The following REC8 variants were observed in gnomAD, a reference collection of about 807,000 sequenced individuals.
The protein encoded by REC8 is meiotic recombination protein REC8 homolog.
A neutral mutation model predicts 78.3 loss-of-function variants in REC8; 42 were observed. That is an observed-to-expected ratio of 0.54 (90% CI 0.42 to 0.69). REC8 has a LOEUF of 0.69. Among genes scored for constraint, REC8 ranks in the 30% least tolerant of loss-of-function variants. The pLI, the probability that REC8 is intolerant of heterozygous loss-of-function variation, is 0.00. For synonymous variants in REC8, 268 were observed against 274.1 expected (o/e 0.98, Z 0.22); for missense variants, 581 against 715.8 (o/e 0.81, Z 2.15).
rs747615352 is a variant in REC8 at position 24,178,831 on chromosome 14, C to T, written c.1118C>T (p.Pro373Leu). The T allele has an allele frequency of 2.5e-5, 41 of 1,613,740 alleles. No individual in the cohort carries two copies. The highest frequency in any genetic ancestry group is 8.8e-5 in the South Asian group (8 of 91,080). ...LGLWTHCAQP[P>L]PKALRRELPE... ...CTCTGGACCCATTGTGCCCAGCCAC[C>T]CCCAAAAGCCCTCAGGCGAGAGCTG... is the stretch of plus-strand genomic sequence containing the variant. The change falls in exon 14 of 19, where the codon CCC becomes CTC. Residue 373 changes from proline (P) to leucine (L), a missense_variant. By Grantham distance (98) the Pro-to-Leu change is moderately conservative. Transcript: ENST00000611366.
Position 24,175,635 on chromosome 14 carries a change from A to G in REC8, c.544+11A>G, listed in dbSNP as rs777485501. The G allele has an allele frequency of 1.6e-5, 26 of 1,607,294 alleles. No homozygotes were observed. Among genetic ancestry groups the G allele is most frequent in the Non-Finnish European group, 2.2e-5 (26 of 1,174,048 alleles). On this transcript the variant is annotated intron_variant, in intron 6 of 18. Coordinates refer to ENST00000611366, the MANE Select transcript of REC8 (RefSeq NM_001048205.2). ...AGCCCAGGGAGCCAGGTCAGCAGAG[A>G]GAACCTTCTTTCTGGTGAGAGGCAT... is the stretch of plus-strand genomic sequence containing the variant.
At chr14:24,175,832 A>T (rs2038873197) in intron 6 of REC8, among the ~76,000 whole-genome samples, 1 of 151,288 alleles carries the variant, frequency 6.6e-6, no homozygotes, top group Non-Finnish European at 1.5e-5. Context: ...CCTCCCTAGT[A>T]GCTGGGATTA....
rs1175720045 is a variant in REC8, at chr14:24,179,183, C to T, written c.1252+50C>T. On this transcript the variant is annotated intron_variant, in intron 15 of 18. Transcript: ENST00000611366. ...GTGGGACCACACCCTAACCACTGTC[C>T]CAGGAAACTAGTATCCCAACTGCTG... 5 of 1,463,910 alleles carry T rather than the reference C, an allele frequency of 3.4e-6. No individual in the cohort carries two copies. In the Admixed American group the frequency reaches 1.0e-4, roughly 29 times the overall value. The allele number at this position is 1,463,910 out of a possible 1,614,324, so 90.7% of individuals were successfully genotyped here. A position where few individuals can be genotyped will look rare whatever the true frequency, so the allele number is the denominator to read the frequency against.
chr14:24,177,145 A>T lies in REC8; in HGVS notation c.629A>T (p.Glu210Val). 1 of 1,613,914 alleles carries T rather than the reference A, an allele frequency of 6.2e-7. No individual in the cohort carries two copies. The highest frequency in any genetic ancestry group is 8.5e-7 in the Non-Finnish European group (1 of 1,179,856). Residue 210 changes from glutamate to valine, a missense_variant, in exon 8 of 19, where the codon GAA (glutamate) becomes GTA (valine). Physicochemically the swap from Glu to Val is moderately radical, Grantham distance 121. Transcript: ENST00000611366. ...TTGCTCTTCCTCTCTGGACAGGGTGAACGGGAGCTCCCAGAGGTCAGCCGC... is the reference window on the plus strand; with the variant it reads ...TTGCTCTTCCTCTCTGGACAGGGTGTACGGGAGCTCCCAGAGGTCAGCCGC... ...EPIRMLEIEG[E>V]RELPEVSRRE...
rs375857596 is a variant in REC8, at chr14:24,178,593, C to T, written c.997-13C>T. 4.0e-5 allele frequency: 64 copies of T among 1,613,548 alleles called. No individual in the cohort carries two copies. In the African/African-American group the frequency reaches 4.1e-4, roughly 10 times the overall value. ...CTTTATAATGGGGCTTCTGACCTTC[C>T]CCCACTACACAGCCTATGGTGCAGC... On this transcript the variant is annotated splice_polypyrimidine_tract_variant and intron_variant, in intron 12 of 18. Transcript: ENST00000611366.
At chr14:24,179,270 C>A in intron 15 of REC8, 127 bp from the exon 16 acceptor site, 1 of 1,217,314 alleles carries the variant, frequency 8.2e-7, no homozygotes, top group Non-Finnish European at 1.2e-6. Context: ...TGGTCCTCCT[C>A]AGCTCTCCCA....
intron 6 of REC8, 32 bp from the exon 7 acceptor site, chr14:24,176,790 C>G: frequency 1.3e-6 from 2 of 1,533,946 alleles, no homozygotes; most frequent in East Asian, 2.3e-5. Flanking sequence ...TGGAAAGAAG[C>G]AGAGAGGCTA....
At position 24,178,560 on chromosome 14, in the gene REC8, A is replaced by G. The variant is rs552837204; in HGVS notation, c.997-46A>G. On this transcript the variant is annotated intron_variant, in intron 12 of 18. Transcript: ENST00000611366. ...GCAAAGAGGCAAAGGGGCCCTGAGGAGTGGCTGCTTTATAATGGGGCTTCT... is the reference window on the plus strand; with the variant it reads ...GCAAAGAGGCAAAGGGGCCCTGAGGGGTGGCTGCTTTATAATGGGGCTTCT... 1.3e-5 allele frequency: 20 copies of G among 1,592,266 alleles called. No individual in the cohort carries two copies. The African/African-American group carries it at 2.0e-4, about 16-fold the overall frequency.
downstream of REC8, chr14:24,180,546 G>C (rs746177753): frequency 3.1e-6 from 5 of 1,614,170 alleles, no homozygotes; most frequent in Non-Finnish European, 4.2e-6. Flanking sequence ...AGGAACGTCA[G>C]GAGCAGCAAC....
At chr14:24,175,475 C>T in intron 5 of REC8, 68 bp from the exon 6 acceptor site, 3 of 1,189,174 alleles carry the variant, frequency 2.5e-6, no homozygotes, top group South Asian at 2.4e-5. Context: ...TTGAAGAAGG[C>T]TGTGAAAAGT....
intron 16 of REC8, 63 bp from the exon 17 acceptor site, chr14:24,179,532 G>C (rs2039069482): frequency 6.2e-7 from 1 of 1,613,752 alleles, no homozygotes; most frequent in African/African-American, 1.3e-5. Flanking sequence ...CAGCTGCTGG[G>C]ATGGGTATGC....
chr14:24,175,741 G>T (rs978611440), intron 6 of REC8, 117 bp downstream of exon 6: 8 of 667,938 alleles, frequency 1.2e-5, no homozygotes, highest in African/African-American at 1.9e-5. Flanking sequence ...TTTTTTTTTC[G>T]AGGCAGAGTC....
Position 24,179,807 on chromosome 14 carries a change from G to T in REC8, c.1459G>T (p.Ala487Ser), listed in dbSNP as rs1292867921. ...LSLEAVHRAV[A>S]LELQANREPD... is the part of the protein sequence containing the mutation. The stretch of plus-strand genomic sequence containing the variant: ...GGTTCTTGATCCCTATAGGGCAGTG[G>T]CACTGGAGCTGCAGGCTAACAGGGA... The change falls in exon 18 of 19, where the codon GCA becomes TCA. Residue 487 changes from alanine (A) to serine (S), a missense_variant. Coordinates refer to ENST00000611366, the MANE Select transcript of REC8 (RefSeq NM_001048205.2). The T allele has an allele frequency of 1.2e-6, 2 of 1,613,100 alleles. No homozygotes were observed. Among genetic ancestry groups the T allele is most frequent in the South Asian group, 2.2e-5 (2 of 91,002 alleles).
chr14:24,177,036 G>A, intron 7 of REC8, 105 bp from the exon 8 acceptor site: 2 of 1,366,580 alleles, frequency 1.5e-6, no homozygotes, highest in Middle Eastern at 2.1e-4. Context: ...TGGCTTCCTT[G>A]AACCTGGCCC....
At chr14:24,177,810 C>T (rs1213813336) in intron 11 of REC8, 52 bp downstream of exon 11, 2 of 1,512,044 alleles carry the variant, frequency 1.3e-6, no homozygotes, top group Non-Finnish European at 8.9e-7. Flanking sequence ...CCCTCCCCCA[C>T]AAGGACTGCC....
intron 6 of REC8, 26 bp downstream of exon 6, chr14:24,175,650 G>A (rs749584623): frequency 1.3e-6 from 2 of 1,571,530 alleles, no homozygotes; most frequent in Non-Finnish European, 1.8e-6. Flanking sequence ...CTTCTTTCTG[G>A]TGAGAGGCAT....
chr14:24,179,794 C>G lies in REC8; in HGVS notation c.1452-6C>G. The G allele has an allele frequency of 6.2e-7, 1 of 1,613,450 alleles. No homozygotes were observed. The highest frequency in any genetic ancestry group is 8.5e-7 in the Non-Finnish European group (1 of 1,179,604). On this transcript the variant is annotated splice_polypyrimidine_tract_variant and splice_region_variant and intron_variant, in intron 17 of 18. Coordinates refer to ENST00000611366, the MANE Select transcript of REC8 (RefSeq NM_001048205.2). ...AGCCTCTGCTAATGGTTCTTGATCC[C>G]TATAGGGCAGTGGCACTGGAGCTGC...
At chr14:24,175,003 CA>C (rs1316856769) in intron 5 of REC8, among the ~76,000 whole-genome samples, 2 of 133,228 alleles carry the variant, frequency 1.5e-5, no homozygotes, top group East Asian at 3.0e-4. Flanking sequence ...GCTGCTTGCA[CA>C]AATTTTTTTT....
chr14:24,179,987 C>T (rs766522572), intron 18 of REC8, 23 bp from the exon 19 acceptor site: 24 of 1,614,018 alleles, frequency 1.5e-5, no homozygotes, highest in Non-Finnish European at 2.0e-5. Flanking sequence ...CCCCGACCTG[C>T]CCTCTCCTCG....
Sources: allele counts gnomAD v4.1 joint callset (sites outside exome capture counted in the v4.1 genomes callset), GRCh38; gene constraint gnomAD v4.1.1; transcripts MANE v1.5; gene names NCBI Gene and HGNC (gene_info 2026-07-23, HGNC 2026-07-21).